The following MAN2A1 variants were observed in gnomAD, a reference collection of about 807,000 sequenced individuals.
MAN2A1 encodes the protein mannosidase alpha class 2A member 1.
A neutral mutation model predicts 142.6 loss-of-function variants in MAN2A1; 76 were observed. That is an observed-to-expected ratio of 0.53 (90% CI 0.44 to 0.65). The LOEUF (loss-of-function observed/expected upper bound fraction) is 0.65, where lower values mean the gene tolerates loss of function less well. MAN2A1 is among the 30% of genes least tolerant of loss of function. The pLI, the probability that MAN2A1 is intolerant of heterozygous loss-of-function variation, is 0.00. For missense variants in MAN2A1, 1,311 were observed against 1,365.1 expected (o/e 0.96, Z 0.62); for synonymous variants, 559 against 473.2 (o/e 1.18, Z -2.35).
At chr5:109,713,320 G>A (rs1016745600) in intron 1 of MAN2A1, among the ~76,000 whole-genome samples, 200 bp from the exon 2 acceptor site, 11 of 152,068 alleles carry the variant, frequency 7.2e-5, no homozygotes, top group Non-Finnish European at 1.3e-4. Flanking sequence ...TTGCAGCCGC[G>A]GAGAAGATTT....
rs576828173 is a variant in MAN2A1 at position 109,767,778 on chromosome 5, G to A, written c.1009+70G>A. Reference sequence around the variant, plus strand: ...TATTTCACAAGGGTTATGAACTCATGCCACTGTGGGTTTTGTTCACTGTCA... The same window carrying A: ...TATTTCACAAGGGTTATGAACTCATACCACTGTGGGTTTTGTTCACTGTCA... On this transcript the variant is annotated intron_variant, in intron 6 of 21. Transcript: ENST00000261483. The A allele has an allele frequency of 5.3e-4, 691 of 1,295,584 alleles. 9 individuals carry two copies. In the South Asian group the frequency reaches 9.4e-3, roughly 18 times the overall value. The allele number at this position is 1,295,584 out of a possible 1,614,324, so 80.3% of individuals were successfully genotyped here. A position where few individuals can be genotyped will look rare whatever the true frequency, so the allele number is the denominator to read the frequency against.
chr5:109,799,350 C>T (rs772847194), intron 12 of MAN2A1, among the ~76,000 whole-genome samples: 4 of 152,188 alleles, frequency 2.6e-5, no homozygotes, highest in Non-Finnish European at 5.9e-5. Flanking sequence ...TGTGCTCCAG[C>T]CCCACAATGA....
intron 2 of MAN2A1, among the ~76,000 whole-genome samples, chr5:109,714,689 A>G (rs1198339171): frequency 6.6e-6 from 1 of 152,182 alleles, no homozygotes; most frequent in African/African-American, 2.4e-5. Context: ...TTAAAGTTGG[A>G]CAAAATTATT....
chr5:109,823,244 T>G (rs879452319), intron 15 of MAN2A1, among the ~76,000 whole-genome samples: 3 of 152,196 alleles, frequency 2.0e-5, no homozygotes, highest in Non-Finnish European at 4.4e-5. Context: ...TATAGTTTAG[T>G]AAACCGAGCT....
At chr5:109,840,381 C>A in intron 16 of MAN2A1, 1 of 381,646 alleles carries the variant, frequency 2.6e-6, no homozygotes, top group Non-Finnish European at 5.2e-6. Flanking sequence ...AGGTCATCTC[C>A]AGAGAAATTG....
At chr5:109,782,344 C>CAGT (rs772486818) in intron 9 of MAN2A1, among the ~76,000 whole-genome samples, 3 of 152,124 alleles carry the variant, frequency 2.0e-5, no homozygotes, top group Non-Finnish European at 4.4e-5. Flanking sequence ...TCATTAGGTA[C>CAGT]ATGTGACTAT....
At chr5:109,708,876 T>G (rs1415124274) in intron 1 of MAN2A1, among the ~76,000 whole-genome samples, 1 of 152,176 alleles carries the variant, frequency 6.6e-6, no homozygotes, top group Non-Finnish European at 1.5e-5. Context: ...CCATCTGGGC[T>G]CCCAGTTGAT....
chr5:109,788,174 T>C (rs556773326), intron 10 of MAN2A1, among the ~76,000 whole-genome samples: 40 of 150,534 alleles, frequency 2.7e-4, no homozygotes, highest in South Asian at 2.1e-3. Flanking sequence ...AATTTGCCTA[T>C]GGATGCCTGG....
intron 1 of MAN2A1, among the ~76,000 whole-genome samples, chr5:109,710,810 C>T (rs1408338319): frequency 6.6e-6 from 1 of 152,194 alleles, no homozygotes; most frequent in Admixed American, 6.5e-5. Context: ...CCTGCCTCAG[C>T]CTTCCAAGTA....
intron 8 of MAN2A1, among the ~76,000 whole-genome samples, chr5:109,778,858 C>G (rs1456162282): frequency 6.6e-6 from 1 of 151,986 alleles, no homozygotes; most frequent in Non-Finnish European, 1.5e-5. Context: ...AACTGGAGAA[C>G]AAAAGTAAAT....
chr5:109,798,213 TG>T (rs1028684624), intron 12 of MAN2A1, among the ~76,000 whole-genome samples: 1 of 152,176 alleles, frequency 6.6e-6, no homozygotes, highest in Admixed American at 6.5e-5. Context: ...CTGAAATAGG[TG>T]GAGAGGCAGG....
At chr5:109,782,106 T>C (rs953403967) in intron 9 of MAN2A1, among the ~76,000 whole-genome samples, 5 of 152,186 alleles carry the variant, frequency 3.3e-5, no homozygotes, top group African/African-American at 4.8e-5. Flanking sequence ...TACATACTTA[T>C]TTGAAGCACA....
intron 16 of MAN2A1, among the ~76,000 whole-genome samples, chr5:109,836,950 A>G (rs562452057): frequency 6.6e-6 from 1 of 152,086 alleles, no homozygotes; most frequent in East Asian, 1.9e-4. Context: ...TGCTACATTT[A>G]GCTTTTTTCT....
At position 109,696,385 on chromosome 5, in the gene MAN2A1, C is replaced by T. The variant is rs1452368061; in HGVS notation, c.135+5833C>T. Among the ~76,000 whole-genome samples, 4 of 152,216 alleles carry T rather than the reference C, an allele frequency of 2.6e-5. No homozygotes were observed. In the East Asian group the frequency reaches 7.7e-4, roughly 29 times the overall value. On this transcript the variant is annotated intron_variant, in intron 1 of 21. Coordinates refer to ENST00000261483, the MANE Select transcript of MAN2A1 (RefSeq NM_002372.4). ...ACATGTTGGGATTACAGGCGTGAGC[C>T]TCTGCGCCTGGTTGGTATCTCTTAA...
Position 109,781,587 on chromosome 5 carries a change from A to C in MAN2A1, c.1566A>C (p.Glu522Asp), listed in dbSNP as rs1415374971. 1 of 1,595,854 alleles carries C rather than the reference A, an allele frequency of 6.3e-7. No individual in the cohort carries two copies. The highest frequency in any genetic ancestry group is 1.8e-5 in the Admixed American group (1 of 55,250). ...PFYKRMDRIMESHLRAAEILY... is the reference protein window; with the variant it reads ...PFYKRMDRIMDSHLRAAEILY... Reference sequence around the variant, plus strand: ...ACAAACGAATGGACAGAATCATGGAATCTCATTTAAGGTACTTTTACCTTT... The same window carrying C: ...ACAAACGAATGGACAGAATCATGGACTCTCATTTAAGGTACTTTTACCTTT... Residue 522 changes from glutamate to aspartate, a missense_variant, in exon 9 of 22, where the codon GAA (glutamate) becomes GAC (aspartate). Physicochemically the swap from Glu to Asp is conservative, Grantham distance 45 (BLOSUM62 2). Transcript: ENST00000261483.
intron 17 of MAN2A1, among the ~76,000 whole-genome samples, chr5:109,843,550 C>A (rs1386982550): frequency 1.3e-5 from 2 of 152,070 alleles, no homozygotes; most frequent in Non-Finnish European, 2.9e-5. Flanking sequence ...TAATAATGGG[C>A]CCTTGTAAAT....
At chr5:109,788,544 T>C (rs1419448983) in intron 10 of MAN2A1, among the ~76,000 whole-genome samples, 1 of 151,924 alleles carries the variant, frequency 6.6e-6, no homozygotes, top group Non-Finnish European at 1.5e-5. Flanking sequence ...TATCTCATGT[T>C]TTTATTCATT....
rs555016246 is a variant in MAN2A1 at position 109,702,888 on chromosome 5, A to G, written c.136-10632A>G. ...AGATGGATTTTTATAAAGAAAGGCA[A>G]TAGGAAAGAATTTGTAAAACTTTAG... On this transcript the variant is annotated intron_variant, in intron 1 of 21. Transcript: ENST00000261483. Among the ~76,000 whole-genome samples the G allele has an allele frequency of 3.9e-5, 6 of 152,322 alleles. 1 individual carries two copies. The South Asian group carries it at 1.0e-3, about 26-fold the overall frequency.
intron 12 of MAN2A1, among the ~76,000 whole-genome samples, chr5:109,800,705 CTT>C (rs1754005093): frequency 6.6e-6 from 1 of 152,056 alleles, no homozygotes; most frequent in Non-Finnish European, 1.5e-5. Flanking sequence ...GGGATTTTAA[CTT>C]AAGTTTTTAT....
Sources: allele counts gnomAD v4.1 joint callset (sites outside exome capture counted in the v4.1 genomes callset), GRCh38; gene constraint gnomAD v4.1.1; transcripts MANE v1.5; gene names NCBI Gene and HGNC (gene_info 2026-07-23, HGNC 2026-07-21).